The following SH3D19 variants were observed in gnomAD, a reference collection of about 807,000 sequenced individuals.
SH3D19 encodes the protein SH3 domain-containing protein 19.
A neutral mutation model predicts 112.1 loss-of-function variants in SH3D19; 58 were observed. The observed-to-expected ratio is 0.52, with a 90% confidence interval of 0.42 to 0.64. The LOEUF is 0.64. Ranked by LOEUF, SH3D19 falls within the 30% of genes least tolerant of loss-of-function variation. The pLI, the probability that SH3D19 is intolerant of heterozygous loss-of-function variation, is 0.00. For missense variants in SH3D19, 1,090 were observed against 1,263.4 expected (o/e 0.86, Z 2.08); for synonymous variants, 391 against 448.5 (o/e 0.87, Z 1.62).
chr4:151,191,868 A>AT (rs1028201227), intron 2 of SH3D19, among the ~76,000 whole-genome samples: 1 of 150,016 alleles, frequency 6.7e-6, no homozygotes, highest in African/African-American at 2.5e-5. Context: ...GATGGTCTTG[A>AT]TCTCCTGACC....
chr4:151,324,990 T>C (rs577991716), intron 1 of SH3D19, among the ~76,000 whole-genome samples: 1 of 152,148 alleles, frequency 6.6e-6, no homozygotes, highest in African/African-American at 2.4e-5. Context: ...CTGGATTTAG[T>C]GTGCACGGAA....
intron 1 of SH3D19, among the ~76,000 whole-genome samples, chr4:151,248,791 TGCCTG>T (rs1771137028): frequency 1.3e-5 from 2 of 152,134 alleles, no homozygotes; most frequent in Non-Finnish European, 2.9e-5. Context: ...CCCTCCTCCC[TGCCTG>T]GCACCCCCTT....
intron 1 of SH3D19, among the ~76,000 whole-genome samples, chr4:151,236,772 A>G (rs1253194856): frequency 6.6e-6 from 1 of 152,198 alleles, no homozygotes; most frequent in Non-Finnish European, 1.5e-5. Context: ...GTGTCTAGCT[A>G]AAGGATTGTA....
intron 2 of SH3D19, among the ~76,000 whole-genome samples, chr4:151,223,118 T>C (rs937012194): frequency 6.6e-6 from 1 of 151,170 alleles, no homozygotes; most frequent in African/African-American, 2.4e-5. Context: ...GTCTCTCCAT[T>C]GAAATGGTAA....
chr4:151,227,545 C>T (rs1388034537), intron 1 of SH3D19, among the ~76,000 whole-genome samples: 2 of 152,068 alleles, frequency 1.3e-5, no homozygotes, highest in Non-Finnish European at 2.9e-5. Context: ...TTGGTTTTAC[C>T]CCTCCCTTAA....
Position 151,240,246 on chromosome 4 carries a change from A to G in SH3D19, c.113-14160T>C, listed in dbSNP as rs575400510. On this transcript the variant is annotated intron_variant, in intron 1 of 19. Coordinates refer to ENST00000604030, the MANE Select transcript of SH3D19 (RefSeq NM_001378122.1). The stretch of plus-strand genomic sequence containing the variant: ...ATGGCGAGATCTGGTCTTTACAAAA[A>G]ATAAAAATTAAAATATTAGCCAGGA... Among the ~76,000 whole-genome samples the G allele has an allele frequency of 1.8e-3, 277 of 152,044 alleles. 6 individuals are homozygous for G. The highest frequency in any genetic ancestry group is 6.4e-3 in the African/African-American group (265 of 41,378).
In SH3D19 at chr4:151,121,343, G is replaced by C. The variant is rs1256925377; in HGVS notation, c.*748C>G. On this transcript the variant is annotated 3_prime_UTR_variant, in exon 20 of 20. Coordinates refer to ENST00000604030, the MANE Select transcript of SH3D19 (RefSeq NM_001378122.1). ...TTTGTAATAACCCTGTTAACATAAA[G>C]TATACACTGAGGAAAAAAATAAGTA... is the stretch of plus-strand genomic sequence containing the variant. 1 of 152,588 alleles carries C rather than the reference G, an allele frequency of 6.6e-6. No individual in the cohort carries two copies. The highest frequency in any genetic ancestry group is 1.5e-5 in the Non-Finnish European group (1 of 68,040). 9.5% of individuals were successfully genotyped at this position (152,588 alleles called of 1,614,324 possible). A position where few individuals can be genotyped will look rare whatever the true frequency, so the allele number is the denominator to read the frequency against.
chr4:151,176,617 T>G lies in SH3D19; in HGVS notation c.446A>C (p.Asn149Thr). ...AGTGTGCCTTGGAGTAGCAGCAGCA[T>G]TATTATTATTTGTAGTATTAACTTG... ...QVQVNTTNNN[N>T]AAATPRHTIT... is the part of the protein sequence containing the mutation. Residue 149 changes from asparagine to threonine, a missense_variant, in exon 6 of 20, where the codon AAT becomes ACT. Physicochemically the swap from Asn to Thr is moderately conservative, Grantham distance 65. Transcript: ENST00000604030. The G allele has an allele frequency of 8.1e-7, 1 of 1,231,188 alleles. No individual in the cohort carries two copies. The highest frequency in any genetic ancestry group is 1.0e-6 in the Non-Finnish European group (1 of 987,088). 76.3% of individuals were successfully genotyped at this position (1,231,188 alleles called of 1,614,324 possible). A position where few individuals can be genotyped will look rare whatever the true frequency, so the allele number is the denominator to read the frequency against.
chr4:151,209,236 G>A (rs982612787), intron 2 of SH3D19, among the ~76,000 whole-genome samples: 5 of 151,870 alleles, frequency 3.3e-5, no homozygotes, highest in African/African-American at 1.2e-4. Flanking sequence ...ACAGCTTCTC[G>A]AGTGGTTCTA....
intron 1 of SH3D19, among the ~76,000 whole-genome samples, chr4:151,265,896 A>C (rs1561413678): frequency 2.0e-5 from 3 of 152,072 alleles, no homozygotes; most frequent in Non-Finnish European, 4.4e-5. Context: ...CCTTATACTT[A>C]TTACAGCAGC....
intron 2 of SH3D19, among the ~76,000 whole-genome samples, chr4:151,220,911 T>G (rs1486082728): frequency 1.3e-5 from 2 of 152,190 alleles, no homozygotes; most frequent in African/African-American, 4.8e-5. Flanking sequence ...CTGTGGGACA[T>G]CAATTTGGGA....
At chr4:151,252,257 C>T (rs904402088) in intron 1 of SH3D19, among the ~76,000 whole-genome samples, 1 of 152,198 alleles carries the variant, frequency 6.6e-6, no homozygotes, top group African/African-American at 2.4e-5. Flanking sequence ...TGCCACCCAG[C>T]CTCTTCTGCC....
chr4:151,127,962 G>A (rs1243733230), intron 18 of SH3D19, among the ~76,000 whole-genome samples: 1 of 152,124 alleles, frequency 6.6e-6, no homozygotes, highest in East Asian at 1.9e-4. Flanking sequence ...TTATTAGATG[G>A]AATTAGCCAT....
chr4:151,215,095 T>C (rs1766845914), intron 2 of SH3D19, among the ~76,000 whole-genome samples: 2 of 152,154 alleles, frequency 1.3e-5, no homozygotes, highest in African/African-American at 4.8e-5. Context: ...GAGACGCTCC[T>C]CACTTCCTAG....
chr4:151,138,667 G>A (rs1430228295), intron 13 of SH3D19, among the ~76,000 whole-genome samples: 2 of 146,112 alleles, frequency 1.4e-5, no homozygotes, highest in Non-Finnish European at 3.0e-5. Flanking sequence ...AAGCCTAGGC[G>A]ACAGAGCAAG....
intron 1 of SH3D19, chr4:151,279,128 C>A: frequency 2.3e-6 from 1 of 438,176 alleles, no homozygotes; most frequent in Non-Finnish European, 4.5e-6. Context: ...CCTGCCAAGG[C>A]CAGCACCCTG....
intron 1 of SH3D19, among the ~76,000 whole-genome samples, chr4:151,250,483 A>C (rs1349586937): frequency 1.3e-5 from 2 of 150,996 alleles, no homozygotes; most frequent in East Asian, 3.9e-4. Flanking sequence ...ACCCCACACA[A>C]ATATATATGG....
At chr4:151,150,646 A>T (rs1162209134) in intron 9 of SH3D19, among the ~76,000 whole-genome samples, 1 of 152,140 alleles carries the variant, frequency 6.6e-6, no homozygotes, top group Non-Finnish European at 1.5e-5. Flanking sequence ...GGGCTAAAAA[A>T]GAGTTTCGTA....
chr4:151,312,695 T>C (rs764975229), intron 1 of SH3D19, among the ~76,000 whole-genome samples: 4 of 151,878 alleles, frequency 2.6e-5, no homozygotes, highest in African/African-American at 9.7e-5. Context: ...GGTCAGGAGT[T>C]TGAGATCAGC....
Sources: allele counts gnomAD v4.1 joint callset (sites outside exome capture counted in the v4.1 genomes callset), GRCh38; gene constraint gnomAD v4.1.1; transcripts MANE v1.5; gene names NCBI Gene and HGNC (gene_info 2026-07-23, HGNC 2026-07-21).